The following SIRT5 variants were observed in gnomAD, a reference collection of about 807,000 sequenced individuals.
SIRT5 encodes the protein sirtuin 5.
SIRT5 carries 26 observed loss-of-function variants against 40.0 expected under a neutral mutation model. The observed-to-expected ratio is 0.65, with a 90% CI of 0.48 to 0.90. The LOEUF is 0.90. Ranked by LOEUF, SIRT5 falls within the 40% of genes least tolerant of loss-of-function variation. The probability of loss-of-function intolerance (pLI) is 0.00; values close to 1 mark genes in which losing one functional copy is unlikely to be tolerated. For synonymous variants in SIRT5, 146 were observed against 149.1 expected (o/e 0.98, Z 0.15); for missense variants, 401 against 402.4 (o/e 1.00, Z 0.03).
At position 13,595,473 on chromosome 6, in the gene SIRT5, T is replaced by G; in HGVS notation, c.476-4T>G. On this transcript the variant is annotated splice_polypyrimidine_tract_variant and splice_region_variant and intron_variant, in intron 5 of 9. Coordinates refer to ENST00000606117, the MANE Select transcript of SIRT5 (RefSeq NM_012241.5). ...TCTGGATTTGCTTCATATGTATTTT[T>G]CAGGTAGCTTATTTAAAACTCGATG... The G allele has an allele frequency of 6.2e-7, 1 of 1,611,972 alleles. No individual in the cohort carries two copies. The highest frequency in any genetic ancestry group is 8.5e-7 in the Non-Finnish European group (1 of 1,178,018).
chr6:13,598,914 TAA>T, intron 7 of SIRT5, 116 bp from the exon 8 acceptor site: 1 of 1,145,804 alleles, frequency 8.7e-7, no homozygotes, highest in Non-Finnish European at 1.2e-6. Context: ...GTGTAGGGAA[TAA>T]GAGGCATCAG....
intron 9 of SIRT5, among the ~76,000 whole-genome samples, chr6:13,606,887 G>T (rs1050787962): frequency 1.3e-5 from 2 of 151,802 alleles, no homozygotes; most frequent in African/African-American, 4.8e-5. Context: ...TCACCATGTT[G>T]GTCAGACAGG....
intron 4 of SIRT5, among the ~76,000 whole-genome samples, chr6:13,589,732 T>C (rs946309946): frequency 6.6e-6 from 1 of 152,028 alleles, no homozygotes; most frequent in Non-Finnish European, 1.5e-5. Context: ...CAGAGAACAT[T>C]AGGGGCCAGC....
At chr6:13,606,833 C>T (rs1412270128) in intron 9 of SIRT5, among the ~76,000 whole-genome samples, 2 of 152,162 alleles carry the variant, frequency 1.3e-5, no homozygotes, top group African/African-American at 2.4e-5. Context: ...AGGCGTGCAC[C>T]ACCACACCTG....
At position 13,591,736 on chromosome 6, in the gene SIRT5, G is replaced by C. The variant is rs1421533246; in HGVS notation, c.317G>C (p.Arg106Pro). The C allele has an allele frequency of 3.6e-5, 58 of 1,611,834 alleles. No individual in the cohort carries two copies. The highest frequency in any genetic ancestry group is 4.8e-5 in the Non-Finnish European group (57 of 1,178,426). Residue 106 changes from arginine to proline, a missense_variant, in exon 5 of 10, where the codon CGG becomes CCG. Arg to Pro is a moderately radical substitution (Grantham distance 103, BLOSUM62 -2). Coordinates refer to ENST00000606117, the MANE Select transcript of SIRT5 (RefSeq NM_012241.5). ...GTGTGGGAGTTCTACCACTACCGGC[G>C]GGAGGTCATGGGGAGCAAGGAGCCC... ...SRVWEFYHYR[R>P]EVMGSKEPNA...
chr6:13,588,820 G>GT (rs1760425919), intron 4 of SIRT5, among the ~76,000 whole-genome samples: 1 of 152,150 alleles, frequency 6.6e-6, no homozygotes, highest in African/African-American at 2.4e-5. Flanking sequence ...AACTTTTCAT[G>GT]TTAAAACTAA....
At chr6:13,598,704 C>T (rs970433623) in intron 7 of SIRT5, among the ~76,000 whole-genome samples, 1 of 151,768 alleles carries the variant, frequency 6.6e-6, no homozygotes, top group Non-Finnish European at 1.5e-5. Context: ...TCACACATGA[C>T]TGTAGTCCCA....
Position 13,591,860 on chromosome 6 carries a change from C to T in SIRT5, c.441C>T (p.Arg147=), listed in dbSNP as rs1276666873. The stretch of plus-strand genomic sequence containing the variant: ...CCCAGAACATCGATGAGCTGCACCG[C>T]AAGGCTGGCACCAAGAACCTTCTGG... The part of the protein sequence containing the change: ...VITQNIDELH[R]KAGTKNLLEI... The change falls in exon 5 of 10, where the codon CGC becomes CGT. Residue 147 remains arginine (R), a synonymous_variant. Coordinates refer to ENST00000606117, the MANE Select transcript of SIRT5 (RefSeq NM_012241.5). 2 of 1,613,912 alleles carry T rather than the reference C, an allele frequency of 1.2e-6. No homozygotes were observed. Among genetic ancestry groups the T allele is most frequent in the South Asian group, 1.1e-5 (1 of 91,086 alleles).
chr6:13,582,031 C>T lies in SIRT5; in HGVS notation c.-35-2045C>T, dbSNP rs78005637. On this transcript the variant is annotated intron_variant, in intron 2 of 9. Coordinates refer to ENST00000606117, the MANE Select transcript of SIRT5 (RefSeq NM_012241.5). ...TCCATGAACCTCTCCCCAACATGATCTAACACAAGCACAAATCCTCTAATC... is the reference window on the plus strand; with the variant it reads ...TCCATGAACCTCTCCCCAACATGATTTAACACAAGCACAAATCCTCTAATC... Among the ~76,000 whole-genome samples the T allele has an allele frequency of 3.2e-3, 481 of 152,292 alleles. 4 individuals carry two copies. The highest frequency in any genetic ancestry group is 0.011 in the African/African-American group (459 of 41,542).
intron 2 of SIRT5, among the ~76,000 whole-genome samples, chr6:13,583,520 C>G (rs1270266122): frequency 2.0e-5 from 3 of 152,094 alleles, no homozygotes; most frequent in African/African-American, 7.2e-5. Flanking sequence ...TCTCAAACTC[C>G]TGACCTCAGG....
chr6:13,598,965 C>G (rs912020181), intron 7 of SIRT5, 67 bp from the exon 8 acceptor site: 2 of 1,584,016 alleles, frequency 1.3e-6, no homozygotes, highest in African/African-American at 1.3e-5. Context: ...GGGGCAGCCC[C>G]TGGCCTCCCT....
At chr6:13,606,109 G>GC (rs2127724800) in intron 9 of SIRT5, among the ~76,000 whole-genome samples, 1 of 152,360 alleles carries the variant, frequency 6.6e-6, no homozygotes, top group South Asian at 2.1e-4. Context: ...CAGCACGTGA[G>GC]CAGGTGCTAA....
intron 4 of SIRT5, among the ~76,000 whole-genome samples, chr6:13,588,815 T>C (rs1355156678): frequency 6.6e-6 from 1 of 152,208 alleles, no homozygotes; most frequent in African/African-American, 2.4e-5. Flanking sequence ...CTGTGAACTT[T>C]TCATGTTAAA....
chr6:13,576,883 C>T (rs1758701922), intron 1 of SIRT5, among the ~76,000 whole-genome samples: 2 of 152,154 alleles, frequency 1.3e-5, no homozygotes, highest in Admixed American at 1.3e-4. Flanking sequence ...TTCAGTTTTC[C>T]TGATGCCATT....
chr6:13,583,873 C>T (rs1759701784), intron 2 of SIRT5, among the ~76,000 whole-genome samples: 1 of 152,136 alleles, frequency 6.6e-6, no homozygotes, highest in African/African-American at 2.4e-5. Flanking sequence ...CTTGAGAACA[C>T]AAACGGAAAA....
intron 7 of SIRT5, among the ~76,000 whole-genome samples, chr6:13,597,641 G>A (rs894624144): frequency 6.6e-6 from 1 of 152,008 alleles, no homozygotes; most frequent in African/African-American, 2.4e-5. Context: ...CACCTCCTGG[G>A]TTGAAGTGAT....
intron 6 of SIRT5, among the ~76,000 whole-genome samples, chr6:13,595,994 A>AAAAC (rs753398518): frequency 2.0e-5 from 3 of 152,190 alleles, no homozygotes; most frequent in Admixed American, 6.5e-5. Context: ...CCTGTCTCAA[A>AAAAC]AAACAAACAA....
chr6:13,611,331 TTATA>T (rs902951174), intron 9 of SIRT5, among the ~76,000 whole-genome samples: 4 of 149,478 alleles, frequency 2.7e-5, no homozygotes, highest in African/African-American at 7.4e-5. Context: ...AACATACGTG[TTATA>T]TAGATACACA....
At position 13,599,036 on chromosome 6, in the gene SIRT5, G is replaced by A. The variant is rs199558608; in HGVS notation, c.622G>A (p.Glu208Lys). 2.5e-6 allele frequency: 4 copies of A among 1,613,834 alleles called. No individual in the cohort carries two copies. The highest frequency in any genetic ancestry group is 3.4e-6 in the Non-Finnish European group (4 of 1,179,962). Reference protein sequence around the residue: ...SIPVEKLPRCEEAGCGGLLRP... With the variant: ...SIPVEKLPRCKEAGCGGLLRP... ...TTAAGGATCCCATTCTTCCAGGTGT[G>A]AAGAGGCAGGCTGCGGGGGCTTGCT... is the stretch of plus-strand genomic sequence containing the variant. The change falls in exon 8 of 10, where the codon GAA (glutamate) becomes AAA (lysine). Residue 208 changes from glutamate to lysine, a missense_variant. Glu to Lys is a moderately conservative substitution (Grantham distance 56). Coordinates refer to ENST00000606117, the MANE Select transcript of SIRT5 (RefSeq NM_012241.5).
Sources: gnomAD v4.1 joint callset for allele counts (sites outside exome capture counted in the v4.1 genomes callset) on GRCh38, gnomAD v4.1.1 for gene constraint, MANE v1.5 for transcripts, NCBI Gene and HGNC (gene_info 2026-07-23, HGNC 2026-07-21) for gene names.